Variants in GSAP observed in about 807,000 individuals in gnomAD.
GSAP encodes gamma-secretase-activating protein.
Under a neutral mutation model 131.7 loss-of-function variants are expected in GSAP, and 118 were observed. The ratio of observed to expected loss-of-function variants is 0.90; its 90% CI spans 0.77 to 1.04. GSAP has a LOEUF of 1.04. GSAP is among the 50% of genes least tolerant of loss of function. The pLI, the probability that GSAP is intolerant of heterozygous loss-of-function variation, is 0.00. For synonymous variants in GSAP, 381 were observed against 363.4 expected (o/e 1.05, Z -0.55); for missense variants, 1,019 against 1,013.2 (o/e 1.01, Z -0.08).
At chr7:77,359,460 A>G (rs1477668585) in intron 14 of GSAP, among the ~76,000 whole-genome samples, 1 of 152,192 alleles carries the variant, frequency 6.6e-6, no homozygotes, top group Non-Finnish European at 1.5e-5. Flanking sequence ...GAAATTTTCA[A>G]AAAATTATTC....
intron 12 of GSAP, among the ~76,000 whole-genome samples, chr7:77,365,119 TATTTTATTTTTTTTAAGAGATGGAG>T (rs1563037407): frequency 6.6e-6 from 1 of 151,936 alleles, no homozygotes; most frequent in Non-Finnish European, 1.5e-5. Flanking sequence ...CCTGGCTAAT[TATTTTATTTTTTTTAAGAGATGGAG>T]TCTATGTTAC....
chr7:77,412,270 GA>G (rs1274410904), intron 1 of GSAP, among the ~76,000 whole-genome samples: 1 of 152,142 alleles, frequency 6.6e-6, no homozygotes, highest in Admixed American at 6.5e-5. Flanking sequence ...GTTTTGTTGT[GA>G]GAACTAAAAG....
intron 18 of GSAP, among the ~76,000 whole-genome samples, chr7:77,349,891 T>G (rs1461045271): frequency 1.3e-5 from 2 of 152,162 alleles, no homozygotes; most frequent in African/African-American, 2.4e-5. Context: ...TGTACCTCAT[T>G]GTCCTCTGTA....
chr7:77,323,570 T>A, intron 24 of GSAP, 77 bp downstream of exon 24: 1 of 665,608 alleles, frequency 1.5e-6, no homozygotes, highest in Non-Finnish European at 2.6e-6. Context: ...ATAAATGGGT[T>A]CCCTGCACCA....
At chr7:77,316,618 G>A (rs1394030206) in intron 26 of GSAP, among the ~76,000 whole-genome samples, 2 of 152,196 alleles carry the variant, frequency 1.3e-5, no homozygotes, top group Non-Finnish European at 2.9e-5. Flanking sequence ...CTGAAGAAAA[G>A]TTTACACTAG....
intron 10 of GSAP, among the ~76,000 whole-genome samples, chr7:77,375,843 TAAA>T (rs10706854): frequency 5.0e-5 from 7 of 140,740 alleles, no homozygotes; most frequent in Non-Finnish European, 4.6e-5. Context: ...GACTCCGTCT[TAAA>T]AAAAAAAAAA....
chr7:77,416,311 C>G lies in GSAP; in HGVS notation c.11G>C (p.Arg4Pro), dbSNP rs773292040. 1 of 1,493,702 alleles carries G rather than the reference C, an allele frequency of 6.7e-7. No individual in the cohort carries two copies. Among genetic ancestry groups the G allele is most frequent in the South Asian group, 1.3e-5 (1 of 78,786 alleles). The allele number at this position is 1,493,702 out of a possible 1,614,324, so 92.5% of individuals were successfully genotyped here. A position where few individuals can be genotyped will look rare whatever the true frequency, so the allele number is the denominator to read the frequency against. MALRLVADFDLGKD... is the reference protein window; with the variant it reads MALPLVADFDLGKD... ...CCCGAGGTCGAAGTCGGCGACCAGG[C>G]GAAGAGCCATCGCCCGGACACGACC... Residue 4 changes from arginine to proline, a missense_variant, in exon 1 of 31, where the codon CGC becomes CCC. Physicochemically the swap from Arg to Pro is moderately radical, Grantham distance 103 (BLOSUM62 -2). Transcript: ENST00000257626.
At chr7:77,381,411 T>C in intron 7 of GSAP, 57 bp from the exon 8 acceptor site, 1 of 865,954 alleles carries the variant, frequency 1.2e-6, no homozygotes, top group Non-Finnish European at 1.8e-6. Flanking sequence ...ATGAGTACTA[T>C]TTTTGCCTAA....
At chr7:77,332,103 C>G (rs770164954) in intron 19 of GSAP, among the ~76,000 whole-genome samples, 5 of 152,116 alleles carry the variant, frequency 3.3e-5, no homozygotes, top group Non-Finnish European at 5.9e-5. Context: ...GTCCCACCCA[C>G]GCAGTTCACC....
chr7:77,330,199 T>A (rs201489325), intron 20 of GSAP, 40 bp downstream of exon 20: 24 of 1,583,564 alleles, frequency 1.5e-5, no homozygotes, highest in Non-Finnish European at 2.0e-5. Context: ...CAGTCCACTA[T>A]GCCTCGCTGC....
rs549197613 is a variant in GSAP at position 77,411,187 on chromosome 7, C to CA, written c.109+5025dup. 3.3e-5 allele frequency among the ~76,000 whole-genome samples: 5 copies of CA among 149,526 alleles called. No homozygotes were observed. The East Asian group carries it at 5.9e-4, about 17-fold the overall frequency. The stretch of plus-strand genomic sequence containing the variant: ...AATCTAGGAATACATAGGAGGCAAC[C>CA]AAAAAAAGTATTATTCTTGAATCAG... On this transcript the variant is annotated intron_variant, in intron 1 of 30. Coordinates refer to ENST00000257626, the MANE Select transcript of GSAP (RefSeq NM_017439.4).
intron 12 of GSAP, among the ~76,000 whole-genome samples, chr7:77,373,093 T>A (rs908609743): frequency 6.6e-6 from 1 of 152,222 alleles, no homozygotes; most frequent in East Asian, 1.9e-4. Flanking sequence ...GAGGCAGAAA[T>A]GAGGATGGAC....
intron 3 of GSAP, among the ~76,000 whole-genome samples, chr7:77,399,704 G>C (rs1205043765): frequency 1.9e-5 from 2 of 104,052 alleles, no homozygotes; most frequent in Non-Finnish European, 3.9e-5. Context: ...AACTTGAGGT[G>C]GGGGGGGGCG....
At chr7:77,347,663 GA>G (rs752388727) in intron 19 of GSAP, among the ~76,000 whole-genome samples, 3 of 152,020 alleles carry the variant, frequency 2.0e-5, no homozygotes, top group Non-Finnish European at 4.4e-5. Context: ...ATAGCAACAT[GA>G]AAAAATGTTT....
intron 1 of GSAP, among the ~76,000 whole-genome samples, 169 bp downstream of exon 1, chr7:77,416,044 G>C (rs1705225423): frequency 6.6e-6 from 1 of 152,234 alleles, no homozygotes; most frequent in Admixed American, 6.5e-5. Flanking sequence ...CCGTGGCTGG[G>C]TGTGGGTGGC....
At chr7:77,334,424 G>C (rs1467848180) in intron 19 of GSAP, among the ~76,000 whole-genome samples, 2 of 151,838 alleles carry the variant, frequency 1.3e-5, no homozygotes, top group African/African-American at 4.8e-5. Flanking sequence ...GGCCTGTTGG[G>C]GGGTTGGGGG....
At position 77,375,140 on chromosome 7, in the gene GSAP, G is replaced by C. The variant is rs750731565; in HGVS notation, c.742-39C>G. On this transcript the variant is annotated intron_variant, in intron 10 of 30. Coordinates refer to ENST00000257626, the MANE Select transcript of GSAP (RefSeq NM_017439.4). ...CAAAGAAAATGAACCCAAAATGACA[G>C]AAAGTGATGACAGTTCTGAAAACCA... 3 of 1,250,726 alleles carry C rather than the reference G, an allele frequency of 2.4e-6. No individual in the cohort carries two copies. In the South Asian group the frequency reaches 3.8e-5, roughly 16 times the overall value. 77.5% of individuals were successfully genotyped at this position (1,250,726 alleles called of 1,614,324 possible).
chr7:77,393,159 A>C (rs10269720), intron 5 of GSAP, among the ~76,000 whole-genome samples: 18,854 of 152,142 alleles, frequency 0.12, 1,682 homozygotes, highest in East Asian at 0.41. Flanking sequence ...ACAGTGGAAA[A>C]ATCTTATTTT....
intron 11 of GSAP, among the ~76,000 whole-genome samples, chr7:77,374,605 A>G (rs1203401202): frequency 6.6e-6 from 1 of 152,046 alleles, no homozygotes; most frequent in Non-Finnish European, 1.5e-5. Context: ...ATAGAGTGGG[A>G]AAAGGAAAAA....
Sources: allele counts gnomAD v4.1 joint callset (sites outside exome capture counted in the v4.1 genomes callset), GRCh38; gene constraint gnomAD v4.1.1; transcripts MANE v1.5; gene names NCBI Gene and HGNC (gene_info 2026-07-23, HGNC 2026-07-21).